The following CHD7 variants were observed in gnomAD, a reference collection of about 807,000 sequenced individuals.
The protein encoded by CHD7 is chromodomain helicase DNA binding protein 7.
CHD7 carries 24 observed loss-of-function variants against 307.3 expected under a neutral mutation model. The observed-to-expected ratio is 0.08, with a 90% CI of 0.06 to 0.11. The LOEUF is 0.11. CHD7 is among the 10% of genes least tolerant of loss of function. CHD7 has a pLI of 1.00. For synonymous variants in CHD7, 1,363 were observed against 1,349.9 expected (o/e 1.01, Z -0.21); for missense variants, 3,106 against 3,727.1 (o/e 0.83, Z 4.34).
chr8:60,765,723 C>G (rs1423892499), intron 2 of CHD7, among the ~76,000 whole-genome samples: 1 of 152,158 alleles, frequency 6.6e-6, no homozygotes, highest in East Asian at 1.9e-4. Context: ...CAGCCCCGCA[C>G]CAGTGGTGCT....
intron 6 of CHD7, among the ~76,000 whole-genome samples, chr8:60,805,858 A>G (rs1812513231): frequency 6.6e-6 from 1 of 152,174 alleles, no homozygotes; most frequent in East Asian, 1.9e-4. Flanking sequence ...ATTTGAAGGC[A>G]TTGAAAATGC....
intron 1 of CHD7, among the ~76,000 whole-genome samples, chr8:60,703,688 A>G (rs1420593865): frequency 6.6e-6 from 1 of 152,212 alleles, no homozygotes. Context: ...CCCGCCAACA[A>G]ACAGCCCTCC....
chr8:60,758,249 C>T (rs1809992434), intron 2 of CHD7, among the ~76,000 whole-genome samples: 1 of 151,998 alleles, frequency 6.6e-6, no homozygotes, highest in Non-Finnish European at 1.5e-5. Flanking sequence ...AATCCTCCTA[C>T]CTCAGCCTCC....
intron 8 of CHD7, among the ~76,000 whole-genome samples, chr8:60,819,233 G>A (rs999103291): frequency 6.6e-6 from 1 of 152,278 alleles, no homozygotes; most frequent in East Asian, 1.9e-4. Flanking sequence ...GATTACAGGC[G>A]TGAGTCACTG....
At chr8:60,836,398 G>C (rs1245577890) in intron 16 of CHD7, 115 bp downstream of exon 16, 1 of 764,412 alleles carries the variant, frequency 1.3e-6, no homozygotes, top group Non-Finnish European at 2.1e-6. Context: ...TGGGGGAAGT[G>C]CATCACATGT....
At chr8:60,768,637 G>C (rs1435920250) in intron 2 of CHD7, among the ~76,000 whole-genome samples, 2 of 152,152 alleles carry the variant, frequency 1.3e-5, no homozygotes, top group Non-Finnish European at 2.9e-5. Context: ...GGATTGTGGG[G>C]GTGGTGACAG....
Position 60,837,557 on chromosome 8 carries a change from G to T in CHD7, c.4186-111G>T, listed in dbSNP as rs1399271165. 9 of 932,132 alleles carry T rather than the reference G, an allele frequency of 9.7e-6. No homozygotes were observed. In the Admixed American group the frequency reaches 1.1e-4, roughly 12 times the overall value. 57.7% of individuals were successfully genotyped at this position (932,132 alleles called of 1,614,324 possible). On this transcript the variant is annotated intron_variant, in intron 17 of 37. Coordinates refer to ENST00000423902, the MANE Select transcript of CHD7 (RefSeq NM_017780.4). ...CATGACCTAATTACTTCCCTAAGGC[G>T]CCACCTCCAAATACCATCACATTGG... is the stretch of plus-strand genomic sequence containing the variant.
rs375867350 is a variant in CHD7, at chr8:60,865,831, G to A, written c.8892G>A (p.Lys2964=). 2.0e-5 allele frequency: 32 copies of A among 1,613,802 alleles called. No homozygotes were observed. Among genetic ancestry groups the A allele is most frequent in the Non-Finnish European group, 2.5e-5 (30 of 1,179,782 alleles). ...GCGATGCCGAGGAGAGCCTGGATAA[G>A]ACTGCAGAGTCCTCCCTCTTAGAAG... ...EGSDAEESLD[K]TAESSLLEDE... The change falls in exon 38 of 38, where the codon AAG becomes AAA. Residue 2964 remains lysine, a synonymous_variant. Coordinates refer to ENST00000423902, the MANE Select transcript of CHD7 (RefSeq NM_017780.4). This position sits in a 1 kb window ranked among gnomAD's most constrained non-coding sequence, Gnocchi z 4.3.
intron 6 of CHD7, among the ~76,000 whole-genome samples, chr8:60,806,657 C>T (rs760408909): frequency 2.0e-5 from 3 of 152,156 alleles, no homozygotes; most frequent in Admixed American, 1.3e-4. Context: ...TTGACCACTC[C>T]TGCATATCCA....
Position 60,727,507 on chromosome 8 carries a change from G to A in CHD7, c.-174-13752G>A, listed in dbSNP as rs150478133. ...ATATCCAACTTGTTGAATCTGATGG[G>A]CACTTGTCTTACCTTCCCTCTTTCT... is the stretch of plus-strand genomic sequence containing the variant. On this transcript the variant is annotated intron_variant, in intron 1 of 37. Coordinates refer to ENST00000423902, the MANE Select transcript of CHD7 (RefSeq NM_017780.4). Among the ~76,000 whole-genome samples the A allele has an allele frequency of 4.8e-3, 724 of 152,234 alleles. 2 individuals are homozygous for A. The highest frequency in any genetic ancestry group is 0.016 in the African/African-American group (682 of 41,546).
intron 1 of CHD7, among the ~76,000 whole-genome samples, chr8:60,679,293 C>T (rs1016308702): frequency 2.0e-5 from 3 of 146,740 alleles, no homozygotes; most frequent in Non-Finnish European, 4.5e-5. Flanking sequence ...GGCGTCGCCG[C>T]CCGCGGGGCC....
At chr8:60,805,780 T>C (rs1812508371) in intron 6 of CHD7, among the ~76,000 whole-genome samples, 1 of 152,096 alleles carries the variant, frequency 6.6e-6, no homozygotes, top group Non-Finnish European at 1.5e-5. Flanking sequence ...AATACGAGCA[T>C]AGACATGATA....
At chr8:60,707,408 T>C (rs1807073038) in intron 1 of CHD7, among the ~76,000 whole-genome samples, 1 of 152,222 alleles carries the variant, frequency 6.6e-6, no homozygotes, top group African/African-American at 2.4e-5. Context: ...ATTTGGAGAT[T>C]GTCATTTACT....
At chr8:60,717,928 T>C (rs1270226002) in intron 1 of CHD7, among the ~76,000 whole-genome samples, 1 of 151,780 alleles carries the variant, frequency 6.6e-6, no homozygotes. Flanking sequence ...CTATACTTTT[T>C]ATTGTTATTT....
intron 1 of CHD7, among the ~76,000 whole-genome samples, chr8:60,726,953 C>G (rs1465912172): frequency 1.3e-5 from 2 of 152,146 alleles, no homozygotes; most frequent in Non-Finnish European, 2.9e-5. Context: ...TCTTACTTGT[C>G]TCTGTCCCTC....
At chr8:60,731,522 C>T (rs1350010702) in intron 1 of CHD7, among the ~76,000 whole-genome samples, 1 of 152,132 alleles carries the variant, frequency 6.6e-6, no homozygotes, top group African/African-American at 2.4e-5. Context: ...TGGTACGTAT[C>T]CCCAGGATGA....
Position 60,795,084 on chromosome 8 carries a change from C to T in CHD7, c.2195C>T (p.Pro732Leu). The T allele has an allele frequency of 6.2e-7, 1 of 1,613,790 alleles. No individual in the cohort carries two copies. The highest frequency in any genetic ancestry group is 1.1e-5 in the South Asian group (1 of 91,062). ...SENSDLDKTPPPSPPPEEDED... is the reference protein window; with the variant it reads ...SENSDLDKTPLPSPPPEEDED... ...AATTCAGACTTAGACAAAACACCCC[C>T]ACCATCTCCTCCTCCTGAAGAAGAT... The change falls in exon 4 of 38, where the codon CCA (proline) becomes CTA (leucine). Residue 732 changes from proline (P) to leucine (L), a missense_variant. Physicochemically the swap from Pro to Leu is moderately conservative, Grantham distance 98. Around this residue, in one of 10 missense-constraint regions of CHD7, gnomAD observed 998 missense variants for 1,004.5 expected, o/e 0.99. Coordinates refer to ENST00000423902, the MANE Select transcript of CHD7 (RefSeq NM_017780.4).
At chr8:60,744,478 ATTTTTTTTTTTTTTT>A (rs569101482) in intron 2 of CHD7, among the ~76,000 whole-genome samples, 9 of 66,672 alleles carry the variant, frequency 1.3e-4, no homozygotes, top group African/African-American at 6.7e-4. Flanking sequence ...TCAGAGCAGC[ATTTTTTTTTTTTTTT>A]TTTTTTTTTT....
intron 1 of CHD7, among the ~76,000 whole-genome samples, chr8:60,692,170 G>C (rs1806226920): frequency 6.6e-6 from 1 of 152,156 alleles, no homozygotes; most frequent in Admixed American, 6.6e-5. Context: ...TTCTTACAGT[G>C]TATTTTGGAA....
Sources: allele counts gnomAD v4.1 joint callset (sites outside exome capture counted in the v4.1 genomes callset), GRCh38; gene constraint gnomAD v4.1.1; regional missense constraint gnomAD v4.1.1; non-coding constraint Gnocchi (gnomAD v3.1); transcripts MANE v1.5; gene names NCBI Gene and HGNC (gene_info 2026-07-23, HGNC 2026-07-21).